KSR1: variants seen among roughly 807,000 people sequenced by gnomAD.
KSR1 encodes the protein kinase suppressor of ras.
KSR1 carries 35 observed loss-of-function variants against 92.9 expected under a neutral mutation model. That is an observed-to-expected ratio of 0.38 (90% confidence interval 0.29 to 0.50). The LOEUF is 0.50. Ranked by LOEUF, KSR1 falls within the 20% of genes least tolerant of loss-of-function variation. KSR1 has a pLI of 0.94. For synonymous variants in KSR1, 467 were observed against 472.6 expected, an observed-to-expected ratio of 0.99 and a Z score of 0.15; for missense variants, 972 against 1,158.5, an observed-to-expected ratio of 0.84 and a Z score of 2.34.
intron 4 of KSR1, 119 bp from the exon 5 acceptor site, chr17:27,585,538 C>G (rs910069560): frequency 1.4e-6 from 1 of 712,822 alleles, no homozygotes; most frequent in Non-Finnish European, 2.6e-6. Flanking sequence ...GGCCTCAAGC[C>G]AGGCCTCAGA....
chr17:27,475,308 G>A (rs958389562), intron 1 of KSR1, among the ~76,000 whole-genome samples: 3 of 152,158 alleles, frequency 2.0e-5, no homozygotes, highest in African/African-American at 7.2e-5. Context: ...AAGAGAAGGT[G>A]GTGAGAGGTG....
chr17:27,621,998 C>T, intron 20 of KSR1: 1 of 1,554,342 alleles, frequency 6.4e-7, no homozygotes. Context: ...AGCACCGTGA[C>T]TTCTGCTAAA....
intron 1 of KSR1, among the ~76,000 whole-genome samples, chr17:27,511,645 T>C (rs947384944): frequency 1.3e-5 from 2 of 152,042 alleles, no homozygotes; most frequent in Non-Finnish European, 2.9e-5. Context: ...ATGGCTGAGG[T>C]ATCTGCATAG....
rs146335803 is a variant in KSR1 at position 27,589,381 on chromosome 17, C to T, written c.1046+846C>T. On this transcript the variant is annotated intron_variant, in intron 6 of 20. Coordinates refer to ENST00000644974, the MANE Select transcript of KSR1 (RefSeq NM_001394583.1). Reference sequence around the variant, plus strand: ...TCTGCTGGACCAGTGGAATCTCTTACCGAGAAGCTCTGTAACTCTTAAGTT... The same window carrying T: ...TCTGCTGGACCAGTGGAATCTCTTATCGAGAAGCTCTGTAACTCTTAAGTT... Among the ~76,000 whole-genome samples the T allele has an allele frequency of 4.6e-5, 7 of 152,202 alleles. 1 individual carries two copies. The South Asian group carries it at 1.2e-3, about 27-fold the overall frequency.
intron 1 of KSR1, among the ~76,000 whole-genome samples, chr17:27,533,572 C>T (rs1251842495): frequency 1.3e-5 from 2 of 152,086 alleles, no homozygotes; most frequent in Non-Finnish European, 2.9e-5. Context: ...TTAGTAGAGA[C>T]AGGGTTTCAC....
chr17:27,508,314 C>T lies in KSR1; in HGVS notation c.232-42254C>T, dbSNP rs145586802. ...TCTGAGCAGTTAGAATAATGGTTAT[C>T]ATTGACTGGGTGCCTATGGCCTGCC... On this transcript the variant is annotated intron_variant, in intron 1 of 20. Transcript: ENST00000644974. 7.2e-5 allele frequency among the ~76,000 whole-genome samples: 11 copies of T among 152,288 alleles called. No homozygotes were observed. The South Asian group carries it at 1.0e-3, about 14-fold the overall frequency.
chr17:27,596,067 ATACT>A (rs10532061), intron 9 of KSR1, among the ~76,000 whole-genome samples: 20,660 of 152,202 alleles, frequency 0.14, 1,550 homozygotes, highest in Admixed American at 0.23. Flanking sequence ...ACCTGGGCTA[ATACT>A]TACTTATAAC....
intron 6 of KSR1, among the ~76,000 whole-genome samples, chr17:27,589,126 C>T (rs1378857474): frequency 6.6e-6 from 1 of 152,232 alleles, no homozygotes; most frequent in Non-Finnish European, 1.5e-5. Flanking sequence ...CCACCGGAAG[C>T]TCCCATCTTT....
chr17:27,522,279 G>A (rs2070066709), intron 1 of KSR1, among the ~76,000 whole-genome samples: 2 of 152,168 alleles, frequency 1.3e-5, no homozygotes, highest in Admixed American at 1.3e-4. Context: ...CTGAGAAGGG[G>A]CTATGAACTT....
Position 27,582,858 on chromosome 17 carries a change from G to A in KSR1, c.733G>A (p.Glu245Lys), listed in dbSNP as rs1301727166. 1 of 1,613,162 alleles carries A rather than the reference G, an allele frequency of 6.2e-7. No homozygotes were observed. The change falls in exon 4 of 21, where the codon GAG becomes AAG. Residue 245 changes from glutamate (E) to lysine (K), a missense_variant. Transcript: ENST00000644974. Reference protein sequence around the residue: ...ASDSPTPSFSEGLSDTCIPLH... With the variant: ...ASDSPTPSFSKGLSDTCIPLH... ...AGACTCCCCCACCCCCAGCTTCAGT[G>A]AGGGCCTCTCAGACACCTGTATTCC...
Position 27,583,049 on chromosome 17 carries a change from G to T in KSR1, c.924G>T (p.Arg308=). ...TGCCCAGCTTCCCCACACTCACCCG[G>T]AGCAAGTCCCATGAGTCTCAGCTGG... ...QLLPSFPTLT[R]SKSHESQLGN... is the part of the protein sequence containing the mutation. Residue 308 remains arginine (R), a synonymous_variant, in exon 4 of 21, where the codon CGG becomes CGT. Transcript: ENST00000644974. The T allele has an allele frequency of 6.2e-7, 1 of 1,605,882 alleles. No homozygotes were observed. The highest frequency in any genetic ancestry group is 1.7e-5 in the Admixed American group (1 of 59,414).
intron 1 of KSR1, among the ~76,000 whole-genome samples, chr17:27,508,709 T>TTTTTTTTA (rs1555572323): frequency 3.0e-4 from 42 of 138,328 alleles, no homozygotes; most frequent in South Asian, 2.9e-3. Context: ...CCTGAATTTT[T>TTTTTTTTA]TTTATTTATT....
chr17:27,549,078 G>A (rs768947242), intron 1 of KSR1, among the ~76,000 whole-genome samples: 7 of 152,290 alleles, frequency 4.6e-5, no homozygotes, highest in African/African-American at 1.2e-4. Flanking sequence ...CTTTGGAAGC[G>A]TTTCGGATTT....
At position 27,592,308 on chromosome 17, in the gene KSR1, G is replaced by C. The variant is rs904061556; in HGVS notation, c.1131-53G>C. On this transcript the variant is annotated intron_variant, in intron 7 of 20. Transcript: ENST00000644974. Reference sequence around the variant, plus strand: ...ATGCTACACAGAGCTACCCCTGTGTGCCTGAGCCCCCCCATGTGGTGCTTT... The same window carrying C: ...ATGCTACACAGAGCTACCCCTGTGTCCCTGAGCCCCCCCATGTGGTGCTTT... The C allele has an allele frequency of 2.7e-6, 4 of 1,471,594 alleles. No homozygotes were observed. The African/African-American group carries it at 5.6e-5, about 20-fold the overall frequency. The allele number at this position is 1,471,594 out of a possible 1,614,324, so 91.2% of individuals were successfully genotyped here. A position where few individuals can be genotyped will look rare whatever the true frequency, so the allele number is the denominator to read the frequency against.
chr17:27,540,667 A>G (rs8075695), intron 1 of KSR1, among the ~76,000 whole-genome samples: 43,037 of 152,164 alleles, frequency 0.28, 6,843 homozygotes, highest in East Asian at 0.66. Context: ...TCCTTGCCCC[A>G]CTTTCCCTGT....
At chr17:27,491,506 C>A (rs940134439) in intron 1 of KSR1, among the ~76,000 whole-genome samples, 10 of 152,074 alleles carry the variant, frequency 6.6e-5, no homozygotes, top group Non-Finnish European at 1.0e-4. Flanking sequence ...CACTCTAATG[C>A]TCATTACTTT....
chr17:27,590,196 T>C (rs1388900069), intron 6 of KSR1, among the ~76,000 whole-genome samples: 2 of 152,260 alleles, frequency 1.3e-5, no homozygotes, highest in African/African-American at 4.8e-5. Context: ...TTCACTTCTA[T>C]TGTCATAGCT....
chr17:27,580,127 A>G (rs1289507038), intron 3 of KSR1, among the ~76,000 whole-genome samples: 1 of 152,172 alleles, frequency 6.6e-6, no homozygotes, highest in Non-Finnish European at 1.5e-5. Context: ...TGGTGATTAA[A>G]TAGGCAACTT....
intron 1 of KSR1, among the ~76,000 whole-genome samples, chr17:27,481,779 G>A (rs1162993104): frequency 6.6e-6 from 1 of 152,154 alleles, no homozygotes; most frequent in Non-Finnish European, 1.5e-5. Flanking sequence ...AGTGAACATT[G>A]TACTCCAATA....
Sources: allele counts gnomAD v4.1 joint callset (sites outside exome capture counted in the v4.1 genomes callset), GRCh38; gene constraint gnomAD v4.1.1; transcripts MANE v1.5; gene names NCBI Gene and HGNC (gene_info 2026-07-23, HGNC 2026-07-21).